The following CLYBL variants were observed in gnomAD, a reference collection of about 807,000 sequenced individuals.
CLYBL encodes the protein citramalyl-CoA lyase, mitochondrial.
A neutral mutation model predicts 38.9 loss-of-function variants in CLYBL; 31 were observed. The ratio of observed to expected loss-of-function variants is 0.80; its 90% CI spans 0.60 to 1.08. The LOEUF (loss-of-function observed/expected upper bound fraction) is 1.08. Ranked by LOEUF, CLYBL falls within the 50% of genes least tolerant of loss-of-function variation. CLYBL has a pLI of 0.00. For synonymous variants in CLYBL, 171 were observed against 158.6 expected, an observed-to-expected ratio of 1.08 and a Z score of -0.59; for missense variants, 434 against 411.6, an observed-to-expected ratio of 1.05 and a Z score of -0.47.
chr13:99,747,690 T>TA (rs1313920749), intron 1 of CLYBL, among the ~76,000 whole-genome samples: 1 of 152,174 alleles, frequency 6.6e-6, no homozygotes. Flanking sequence ...CCTGGACAAC[T>TA]AGGGCTGTGT....
chr13:99,784,449 C>CTTTTTTT (rs772465561), intron 2 of CLYBL, among the ~76,000 whole-genome samples: 4 of 52,124 alleles, frequency 7.7e-5, no homozygotes, highest in Non-Finnish European at 1.5e-4. Context: ...AAAATTCTCT[C>CTTTTTTT]TTTTTTTTTT....
rs1406652916 is a variant in CLYBL, at chr13:99,865,452, T to C, written c.634+541T>C. 6.6e-6 allele frequency among the ~76,000 whole-genome samples: 1 copy of C among 152,210 alleles called. No homozygotes were observed. Among genetic ancestry groups the C allele is most frequent in the African/African-American group, 2.4e-5 (1 of 41,440 alleles). ...GATTTTCACCGATTCTCACCATCCC[T>C]TGTGAGCTGCACTTGAGGGGTCTGC... On this transcript the variant is annotated intron_variant, in intron 5 of 8. Transcript: ENST00000339105. This position sits in a 1 kb window ranked among gnomAD's most constrained non-coding sequence, Gnocchi z 4.7.
intron 1 of CLYBL, among the ~76,000 whole-genome samples, chr13:99,699,275 C>G (rs1566613466): frequency 6.6e-6 from 1 of 152,158 alleles, no homozygotes; most frequent in Non-Finnish European, 1.5e-5. Context: ...ATCCCAGCTA[C>G]TCGAGAGGCT....
chr13:99,720,091 TTTA>T (rs2048372662), intron 1 of CLYBL, among the ~76,000 whole-genome samples: 1 of 149,540 alleles, frequency 6.7e-6, no homozygotes. Flanking sequence ...CTTAGTTCTC[TTTA>T]TTTTTTTTAA....
At chr13:99,624,963 C>G (rs187100134) in intron 1 of CLYBL, among the ~76,000 whole-genome samples, 2 of 152,206 alleles carry the variant, frequency 1.3e-5, no homozygotes, top group African/African-American at 4.8e-5. Flanking sequence ...ATCCTTCCCC[C>G]ACCTTCACCT....
At chr13:99,678,018 G>C (rs147111384) in intron 1 of CLYBL, among the ~76,000 whole-genome samples, 1 of 152,176 alleles carries the variant, frequency 6.6e-6, no homozygotes, top group African/African-American at 2.4e-5. Flanking sequence ...GGAGGAAACC[G>C]TATGAAATGT....
intron 2 of CLYBL, among the ~76,000 whole-genome samples, chr13:99,788,293 T>C (rs1044893747): frequency 6.6e-6 from 1 of 152,222 alleles, no homozygotes; most frequent in African/African-American, 2.4e-5. Flanking sequence ...TCAAAGGGAA[T>C]GCTTCCAGTT....
intron 1 of CLYBL, among the ~76,000 whole-genome samples, chr13:99,620,692 G>A (rs1166274097): frequency 2.6e-5 from 4 of 151,996 alleles, no homozygotes; most frequent in Non-Finnish European, 4.4e-5. Flanking sequence ...CAGGAGAATC[G>A]CTTAAACCCG....
chr13:99,841,867 G>C (rs2051092196), intron 2 of CLYBL, among the ~76,000 whole-genome samples: 1 of 134,656 alleles, frequency 7.4e-6, no homozygotes, highest in Non-Finnish European at 1.5e-5. Flanking sequence ...CGAGGGTGGA[G>C]TGCATTGGCT....
chr13:99,669,867 G>T lies in CLYBL; in HGVS notation c.62+63110G>T, dbSNP rs2047539268. Among the ~76,000 whole-genome samples, 2 of 152,142 alleles carry T rather than the reference G, an allele frequency of 1.3e-5. 1 individual carries two copies. Among genetic ancestry groups the T allele is most frequent in the Admixed American group, 1.3e-4 (2 of 15,276 alleles). On this transcript the variant is annotated intron_variant, in intron 1 of 8. Transcript: ENST00000339105. Reference sequence around the variant, plus strand: ...TATTGTTTTAGCAAGGGGCCTATTAGAAATTTCCATGTGTATAAATGACAC... The same window carrying T: ...TATTGTTTTAGCAAGGGGCCTATTATAAATTTCCATGTGTATAAATGACAC...
intron 1 of CLYBL, among the ~76,000 whole-genome samples, chr13:99,682,758 A>G (rs1424983305): frequency 6.6e-6 from 1 of 152,056 alleles, no homozygotes; most frequent in African/African-American, 2.4e-5. Flanking sequence ...TTCTTTTGAA[A>G]CGGAGTCTCA....
Position 99,871,063 on chromosome 13 carries a change from G to T in CLYBL, c.927+1G>T, listed in dbSNP as rs2051880098. ...TAAAGAACATCAACAATTAGGAAAG[G>T]TAAATGTTTTGTTAATGCCTTGGGT... On this transcript the variant is annotated splice_donor_variant, in intron 7 of 8. Coordinates refer to ENST00000339105, the MANE Select transcript of CLYBL (RefSeq NM_206808.5). LOFTEE classifies it high-confidence loss of function. The T allele has an allele frequency of 1.4e-5, 23 of 1,613,904 alleles. No homozygotes were observed. Among genetic ancestry groups the T allele is most frequent in the Non-Finnish European group, 1.9e-5 (22 of 1,179,812 alleles).
At chr13:99,880,054 A>G (rs2052157231) in intron 7 of CLYBL, among the ~76,000 whole-genome samples, 1 of 57,818 alleles carries the variant, frequency 1.7e-5, no homozygotes, top group Non-Finnish European at 3.9e-5. Flanking sequence ...GTGTATGTAT[A>G]TATATATATA....
At chr13:99,747,789 C>T (rs973398001) in intron 1 of CLYBL, among the ~76,000 whole-genome samples, 1 of 152,100 alleles carries the variant, frequency 6.6e-6, no homozygotes, top group Non-Finnish European at 1.5e-5. Context: ...CCTTAGGAGG[C>T]CTTCCTTAGC....
At chr13:99,897,458 G>A (rs2152136205), downstream of CLYBL, among the ~76,000 whole-genome samples, 1 of 152,294 alleles carries the variant, frequency 6.6e-6, no homozygotes, top group Admixed American at 6.5e-5. Flanking sequence ...AGGTATAGAA[G>A]GGGGCCAGAC....
chr13:99,751,916 C>T (rs917408431), intron 1 of CLYBL, among the ~76,000 whole-genome samples: 5 of 152,144 alleles, frequency 3.3e-5, no homozygotes, highest in Admixed American at 2.0e-4. Flanking sequence ...TAGGAAACAA[C>T]GATCTTAAAA....
intron 2 of CLYBL, among the ~76,000 whole-genome samples, chr13:99,784,449 C>CTCTTGTTTTTTTTTTTTTT (rs71121010): frequency 1.9e-5 from 1 of 52,098 alleles, no homozygotes; most frequent in Non-Finnish European, 3.8e-5. Context: ...AAAATTCTCT[C>CTCTTGTTTTTTTTTTTTTT]TTTTTTTTTT....
intron 1 of CLYBL, among the ~76,000 whole-genome samples, chr13:99,736,839 TG>T (rs2048676090): frequency 6.6e-6 from 1 of 152,216 alleles, no homozygotes; most frequent in Admixed American, 6.5e-5. Flanking sequence ...TTGCCTTCGC[TG>T]GACCTCAACT....
intron 2 of CLYBL, among the ~76,000 whole-genome samples, chr13:99,789,776 C>G (rs1001794827): frequency 3.9e-5 from 6 of 152,122 alleles, no homozygotes; most frequent in African/African-American, 1.2e-4. Context: ...TCTCGTTGAT[C>G]TGTCTAATGT....
Sources: gnomAD v4.1 joint callset for allele counts (sites outside exome capture counted in the v4.1 genomes callset) on GRCh38, gnomAD v4.1.1 for gene constraint, Gnocchi (gnomAD v3.1) non-coding constraint, MANE v1.5 for transcripts, NCBI Gene and HGNC (gene_info 2026-07-23, HGNC 2026-07-21) for gene names.